The following MCCC2 variants were observed in gnomAD, a reference collection of about 807,000 sequenced individuals.
The protein encoded by MCCC2 is methylcrotonoyl-CoA carboxylase beta chain, mitochondrial.
MCCC2 carries 52 observed loss-of-function variants against 77.2 expected under a neutral mutation model. The ratio of observed to expected loss-of-function variants is 0.67; its 90% CI spans 0.54 to 0.85. The LOEUF (loss-of-function observed/expected upper bound fraction) is 0.85. MCCC2 is among the 40% of genes least tolerant of loss of function. The pLI is 0.00. For synonymous variants in MCCC2, 253 were observed against 248.4 expected (o/e 1.02, Z -0.18); for missense variants, 682 against 703.2 (o/e 0.97, Z 0.34).
chr5:71,596,168 T>C, intron 2 of MCCC2, 112 bp from the exon 3 acceptor site: 1 of 933,068 alleles, frequency 1.1e-6, no homozygotes, highest in South Asian at 1.4e-5. Context: ...TCTCAGAGGA[T>C]ATGTTGAACT....
At chr5:71,656,689 T>C (rs940739589) in intron 16 of MCCC2, 54 bp from the exon 17 acceptor site, 1 of 1,359,366 alleles carries the variant, frequency 7.4e-7, no homozygotes, top group African/African-American at 1.4e-5. Context: ...ATGGAGAGTG[T>C]ATAAATGGTA....
At chr5:71,622,262 ATC>A (rs925445971) in intron 6 of MCCC2, among the ~76,000 whole-genome samples, 2 of 139,204 alleles carry the variant, frequency 1.4e-5, no homozygotes, top group African/African-American at 5.2e-5. Flanking sequence ...GCAAAACGCC[ATC>A]TCTACTAAAA....
intron 6 of MCCC2, among the ~76,000 whole-genome samples, chr5:71,610,230 C>T (rs1745876333): frequency 1.3e-5 from 2 of 152,234 alleles, no homozygotes; most frequent in Non-Finnish European, 2.9e-5. Context: ...ACTCCGTGGG[C>T]GTAGGACCCT....
intron 14 of MCCC2, among the ~76,000 whole-genome samples, chr5:71,649,459 T>TA (rs1747372764): frequency 6.6e-6 from 1 of 152,156 alleles, no homozygotes. Context: ...AGTCAAGAAA[T>TA]ACTTGAAATG....
At chr5:71,615,500 C>G (rs1468066121) in intron 6 of MCCC2, among the ~76,000 whole-genome samples, 3 of 152,146 alleles carry the variant, frequency 2.0e-5, no homozygotes, top group African/African-American at 7.2e-5. Flanking sequence ...CCTGTCATCT[C>G]CCTGATCTTT....
intron 16 of MCCC2, among the ~76,000 whole-genome samples, chr5:71,654,479 A>G (rs532542869): frequency 8.5e-4 from 130 of 152,326 alleles, no homozygotes; most frequent in South Asian, 4.3e-3. Context: ...AGTAGCCAGT[A>G]AATGGAAAGA....
intron 7 of MCCC2, among the ~76,000 whole-genome samples, chr5:71,629,022 A>G (rs1456549446): frequency 6.6e-6 from 1 of 152,120 alleles, no homozygotes; most frequent in Non-Finnish European, 1.5e-5. Context: ...CCTGGCCAAC[A>G]TAGTGAAACC....
chr5:71,618,491 TC>T (rs1746246841), intron 6 of MCCC2, among the ~76,000 whole-genome samples: 1 of 7,128 alleles, frequency 1.4e-4, no homozygotes, highest in Non-Finnish European at 3.4e-4. Flanking sequence ...CTTTCCTTCT[TC>T]CTTCCTTCCT....
At chr5:71,634,519 C>G (rs187055625) in intron 8 of MCCC2, among the ~76,000 whole-genome samples, 69 of 152,330 alleles carry the variant, frequency 4.5e-4, no homozygotes, top group Non-Finnish European at 7.5e-4. Flanking sequence ...TATGCCGTAA[C>G]CAACTACATC....
intron 6 of MCCC2, among the ~76,000 whole-genome samples, chr5:71,610,960 T>C (rs1329858189): frequency 1.3e-5 from 2 of 152,202 alleles, no homozygotes; most frequent in African/African-American, 2.4e-5. Context: ...CACTCCAGCC[T>C]GGCGACGAAG....
chr5:71,595,968 G>C (rs1745170149), intron 2 of MCCC2, among the ~76,000 whole-genome samples: 1 of 152,114 alleles, frequency 6.6e-6, no homozygotes, highest in Non-Finnish European at 1.5e-5. Context: ...GTGGAGATGA[G>C]GCATTATTTG....
intron 13 of MCCC2, among the ~76,000 whole-genome samples, chr5:71,646,478 C>T (rs536163811): frequency 2.0e-5 from 3 of 152,282 alleles, no homozygotes; most frequent in Non-Finnish European, 2.9e-5. Context: ...TCCATATTTT[C>T]TTTCCCCCAA....
chr5:71,648,362 G>A (rs1274588575), intron 13 of MCCC2, among the ~76,000 whole-genome samples: 1 of 152,170 alleles, frequency 6.6e-6, no homozygotes, highest in Non-Finnish European at 1.5e-5. Flanking sequence ...AGGCAGTGAA[G>A]TTGCAGAGCA....
intron 4 of MCCC2, among the ~76,000 whole-genome samples, chr5:71,602,141 C>G (rs1451423497): frequency 2.0e-5 from 3 of 151,792 alleles, no homozygotes; most frequent in Non-Finnish European, 2.9e-5. Context: ...AATTCTTTTC[C>G]CTTGAGACTT....
Position 71,604,458 on chromosome 5 carries a change from A to T in MCCC2, c.614A>T (p.Asn205Ile). 1.2e-6 allele frequency: 2 copies of T among 1,613,076 alleles called. No individual in the cohort carries two copies. The highest frequency in any genetic ancestry group is 1.7e-6 in the Non-Finnish European group (2 of 1,179,038). Residue 205 changes from asparagine to isoleucine, a missense_variant, in exon 6 of 17, where the codon AAT (asparagine) becomes ATT (isoleucine). Asn to Ile is a moderately radical substitution (Grantham distance 149). Transcript: ENST00000340941. ...FYNQAIMSSK[N>I]IAQIAVVMGS... ...AATCAGGCAATTATGTCTTCTAAAA[A>T]TATTGCACAGGTAATTTTTCATGAA...
Position 71,587,344 on chromosome 5 carries a change from T to C in MCCC2, c.-82T>C. On this transcript the variant is annotated 5_prime_UTR_variant, in exon 1 of 17. Coordinates refer to ENST00000340941, the MANE Select transcript of MCCC2 (RefSeq NM_022132.5). ...GGGCTGCAAGGACCTGAGCTCAGCT[T>C]CCGCCCCAGCCAGGGAAGCGGCAGG... is the stretch of plus-strand genomic sequence containing the variant. 6.6e-7 allele frequency: 1 copy of C among 1,506,786 alleles called. No individual in the cohort carries two copies. The highest frequency in any genetic ancestry group is 1.3e-5 in the South Asian group (1 of 79,560). The allele number at this position is 1,506,786 out of a possible 1,614,324, so 93.3% of individuals were successfully genotyped here. A position where few individuals can be genotyped will look rare whatever the true frequency, so the allele number is the denominator to read the frequency against.
chr5:71,649,151 A>G lies in MCCC2; in HGVS notation c.1271A>G (p.Lys424Arg), dbSNP rs1747359238. 1.2e-6 allele frequency: 2 copies of G among 1,614,130 alleles called. No individual in the cohort carries two copies. The highest frequency in any genetic ancestry group is 2.7e-5 in the African/African-American group (2 of 74,958). Residue 424 changes from lysine to arginine, a missense_variant, in exon 14 of 17, where the codon AAG (lysine) becomes AGG (arginine). Coordinates refer to ENST00000340941, the MANE Select transcript of MCCC2 (RefSeq NM_022132.5). ...EAEGIAKDGA[K>R]MVAAVACAQV... ...GAAGGAATTGCCAAGGATGGTGCCA[A>G]GATGGTGGCCGCTGTGGCCTGTGCC...
chr5:71,594,522 C>T lies in MCCC2; in HGVS notation c.196+1530C>T, dbSNP rs542025841. ...TAGCCTGGGTAACAGAGCGAAATTC[C>T]GTCTCAAAAAAAAAAAAAAAAGAGG... On this transcript the variant is annotated intron_variant, in intron 2 of 16. Coordinates refer to ENST00000340941, the MANE Select transcript of MCCC2 (RefSeq NM_022132.5). Among the ~76,000 whole-genome samples the T allele has an allele frequency of 3.4e-3, 323 of 94,964 alleles. 2 individuals carry two copies. Among genetic ancestry groups the T allele is most frequent in the African/African-American group, 0.01 (308 of 29,714 alleles). 62.3% of individuals were successfully genotyped at this position (94,964 alleles called of 152,430 possible).
intron 16 of MCCC2, among the ~76,000 whole-genome samples, chr5:71,655,405 T>C (rs76839020): frequency 0.011 from 1,668 of 152,328 alleles, 29 homozygotes; most frequent in African/African-American, 0.038. Context: ...CCAATTTGCT[T>C]CTGCTCAGTT....
Sources: allele counts gnomAD v4.1 joint callset (sites outside exome capture counted in the v4.1 genomes callset), GRCh38; gene constraint gnomAD v4.1.1; transcripts MANE v1.5; gene names NCBI Gene and HGNC (gene_info 2026-07-23, HGNC 2026-07-21).